The following DNAAF5 variants were observed in gnomAD, a reference collection of about 807,000 sequenced individuals.
DNAAF5 encodes the protein HEAT repeat containing 2.
DNAAF5 carries 64 observed loss-of-function variants against 75.8 expected under a neutral mutation model. That is an observed-to-expected ratio of 0.84 (90% CI 0.69 to 1.04). The LOEUF is 1.04. DNAAF5 is among the 50% of genes least tolerant of loss of function. DNAAF5 has a pLI of 0.00. For synonymous variants in DNAAF5, 657 were observed against 557.2 expected, an observed-to-expected ratio of 1.18 and a Z score of -2.52; for missense variants, 1,269 against 1,178.5, an observed-to-expected ratio of 1.08 and a Z score of -1.12.
chr7:741,217 T>G, intron 3 of DNAAF5, 130 bp from the exon 4 acceptor site: 2 of 732,562 alleles, frequency 2.7e-6, no homozygotes, highest in South Asian at 3.7e-5. Context: ...CTGGTCCACC[T>G]TTTCTGGGGT....
Position 746,368 on chromosome 7 carries a change from C to T in DNAAF5, c.1024+4903C>T, listed in dbSNP as rs1350941134. 3.3e-5 allele frequency among the ~76,000 whole-genome samples: 4 copies of T among 120,344 alleles called. 1 individual carries two copies. Among genetic ancestry groups the T allele is most frequent in the South Asian group, 6.7e-4 (2 of 3,000 alleles). 79.0% of individuals were successfully genotyped at this position (120,344 alleles called of 152,430 possible). A position where few individuals can be genotyped will look rare whatever the true frequency, so the allele number is the denominator to read the frequency against. The stretch of plus-strand genomic sequence containing the variant: ...CGCCCTCCTTACCGTCCTGCTGCCC[C>T]CCACCCAACATGCCCAGGGCCTGTG... On this transcript the variant is annotated intron_variant, in intron 4 of 12. Coordinates refer to ENST00000297440, the MANE Select transcript of DNAAF5 (RefSeq NM_017802.4).
chr7:763,933 C>T lies in DNAAF5; in HGVS notation c.1742C>T (p.Ser581Leu), dbSNP rs763855086. The change falls in exon 8 of 13, where the codon TCG becomes TTG. Residue 581 changes from serine (S) to leucine (L), a missense_variant. Transcript: ENST00000297440. ...TASHLDWTAH[S>L]PELLQFSVIV... ...TCGCACCTTGACTGGACCGCACACT[C>T]GCCGGAGCTCCTGCAGTTCAGTGTC... 10 of 1,608,552 alleles carry T rather than the reference C, an allele frequency of 6.2e-6. No homozygotes were observed. Among genetic ancestry groups the T allele is most frequent in the East Asian group, 2.2e-5 (1 of 44,898 alleles).
At chr7:767,258 A>C in intron 8 of DNAAF5, among the ~76,000 whole-genome samples, 1 of 144,268 alleles carries the variant, frequency 6.9e-6, no homozygotes. Context: ...AAAAAAAAAG[A>C]CTGTAGGGTC....
intron 11 of DNAAF5, among the ~76,000 whole-genome samples, chr7:777,870 G>C (rs1778814491): frequency 6.6e-6 from 1 of 152,162 alleles, no homozygotes; most frequent in South Asian, 2.1e-4. Context: ...GGGACGGGGA[G>C]GGACGCGGGG....
Position 745,522 on chromosome 7 carries a change from CGTGTGTACAT to C in DNAAF5, c.1024+4059_1024+4068del, listed in dbSNP as rs573656813. On this transcript the variant is annotated intron_variant, in intron 4 of 12. Transcript: ENST00000297440. ...TCGCACACACGTGCACATATGCACA[CGTGTGTACAT>C]GCATATCGTCACACGCGTACACACA... is the stretch of plus-strand genomic sequence containing the variant. 5.0e-3 allele frequency among the ~76,000 whole-genome samples: 768 copies of C among 152,330 alleles called. 4 individuals are homozygous for C. The highest frequency in any genetic ancestry group is 0.011 in the South Asian group (52 of 4,834).
intron 8 of DNAAF5, among the ~76,000 whole-genome samples, chr7:770,216 T>C (rs1778508304): frequency 1.3e-5 from 2 of 152,210 alleles, no homozygotes. Flanking sequence ...CCTCCCAAAG[T>C]GCTGGGATTA....
intron 4 of DNAAF5, among the ~76,000 whole-genome samples, chr7:750,171 T>G (rs1554252716): frequency 6.6e-6 from 1 of 152,258 alleles, no homozygotes; most frequent in Non-Finnish European, 1.5e-5. Context: ...ACTCACTGTC[T>G]GTGCTACAGT....
chr7:757,073 T>G, intron 6 of DNAAF5, 79 bp downstream of exon 6: 9 of 1,358,964 alleles, frequency 6.6e-6, no homozygotes, highest in Non-Finnish European at 9.0e-6. Flanking sequence ...ATGACATGTC[T>G]GTGGGTTGCC....
chr7:749,901 ATCAG>A (rs1292614194), intron 4 of DNAAF5, among the ~76,000 whole-genome samples: 1 of 152,122 alleles, frequency 6.6e-6, no homozygotes, highest in Non-Finnish European at 1.5e-5. Context: ...GTTTCACCAT[ATCAG>A]TCAGGCTGGT....
chr7:741,915 G>A (rs1781923252), intron 4 of DNAAF5, among the ~76,000 whole-genome samples: 1 of 152,202 alleles, frequency 6.6e-6, no homozygotes, highest in Admixed American at 6.5e-5. Context: ...CGGGTGAGGT[G>A]AGGTCTTCTT....
chr7:755,862 G>T (rs1782463891), intron 5 of DNAAF5, among the ~76,000 whole-genome samples: 1 of 152,232 alleles, frequency 6.6e-6, no homozygotes, highest in Non-Finnish European at 1.5e-5. Flanking sequence ...GTTCTCTGTG[G>T]AACCTACAGG....
Position 775,078 on chromosome 7 carries a change from C to G in DNAAF5, c.2155C>G (p.Leu719Val), listed in dbSNP as rs1778714883. 6.2e-7 allele frequency: 1 copy of G among 1,614,100 alleles called. No individual in the cohort carries two copies. The highest frequency in any genetic ancestry group is 1.3e-5 in the African/African-American group (1 of 75,042). The change falls in exon 11 of 13, where the codon CTG becomes GTG. Residue 719 changes from leucine to valine, a missense_variant. By Grantham distance (32) the Leu-to-Val change is conservative (BLOSUM62 1). Transcript: ENST00000297440. Reference sequence around the variant, plus strand: ...GGAGGAGGATTCGAAGATGACGCGACTGATCTCATGCCGTATTATCAACAC... The same window carrying G: ...GGAGGAGGATTCGAAGATGACGCGAGTGATCTCATGCCGTATTATCAACAC... ...TLEEDSKMTR[L>V]ISCRIINTFL... is the part of the protein sequence containing the mutation.
At chr7:766,228 A>G (rs1373998354) in intron 8 of DNAAF5, among the ~76,000 whole-genome samples, 18 of 152,242 alleles carry the variant, frequency 1.2e-4, no homozygotes. Flanking sequence ...CCTCAAATAT[A>G]ATACAATATT....
chr7:727,820 G>A (rs1480929118), intron 1 of DNAAF5, among the ~76,000 whole-genome samples: 1 of 139,608 alleles, frequency 7.2e-6, no homozygotes, highest in Non-Finnish European at 1.5e-5. Flanking sequence ...CCCTGCCTGA[G>A]CCCCCTCCAC....
At position 777,593 on chromosome 7, in the gene DNAAF5, A is replaced by G. The variant is rs116419152; in HGVS notation, c.2240-2360A>G. On this transcript the variant is annotated intron_variant, in intron 11 of 12. Transcript: ENST00000297440. ...GGGATGGGGTGGGCGGGAAGCGGCCACTCAGGCGTTCCTGATTAGCTCTAC... is the reference window on the plus strand; with the variant it reads ...GGGATGGGGTGGGCGGGAAGCGGCCGCTCAGGCGTTCCTGATTAGCTCTAC... 9.4e-3 allele frequency among the ~76,000 whole-genome samples: 1,427 copies of G among 152,256 alleles called. 16 individuals are homozygous for G. Among genetic ancestry groups the G allele is most frequent in the Middle Eastern group, 0.034 (10 of 294 alleles).
chr7:781,901 C>A (rs1325645971), intron 12 of DNAAF5, among the ~76,000 whole-genome samples: 5 of 152,198 alleles, frequency 3.3e-5, no homozygotes, highest in African/African-American at 1.2e-4. Flanking sequence ...CCTTGTCAGG[C>A]GGCGGTTCTA....
intron 6 of DNAAF5, among the ~76,000 whole-genome samples, chr7:761,067 C>T (rs150168029): frequency 2.7e-4 from 41 of 152,320 alleles, no homozygotes; most frequent in African/African-American, 8.9e-4. Flanking sequence ...TAATGCAGTG[C>T]GCCGTCATTT....
rs548662250 is a variant in DNAAF5, at chr7:779,883, G to A, written c.2240-70G>A. The A allele has an allele frequency of 2.1e-5, 29 of 1,364,968 alleles. No homozygotes were observed. In the South Asian group the frequency reaches 3.5e-4, roughly 16 times the overall value. 84.6% of individuals were successfully genotyped at this position (1,364,968 alleles called of 1,614,324 possible). ...TGTCCCATGGGAGTATGAACTAAATGCCTTTGTGGACGTTTAGACGTGAAA... is the reference window on the plus strand; with the variant it reads ...TGTCCCATGGGAGTATGAACTAAATACCTTTGTGGACGTTTAGACGTGAAA... On this transcript the variant is annotated intron_variant, in intron 11 of 12. Coordinates refer to ENST00000297440, the MANE Select transcript of DNAAF5 (RefSeq NM_017802.4).
intron 2 of DNAAF5, among the ~76,000 whole-genome samples, chr7:736,017 A>T (rs542279943): frequency 6.6e-6 from 1 of 152,222 alleles, no homozygotes; most frequent in African/African-American, 2.4e-5. Context: ...TCATTGACCC[A>T]CCGGTCATTC....
Sources: gnomAD v4.1 joint callset for allele counts (sites outside exome capture counted in the v4.1 genomes callset) on GRCh38, gnomAD v4.1.1 for gene constraint, MANE v1.5 for transcripts, NCBI Gene and HGNC (gene_info 2026-07-23, HGNC 2026-07-21) for gene names.